The following RAB31 variants were observed in gnomAD, a reference collection of about 807,000 sequenced individuals.
The protein encoded by RAB31 is ras-related protein Rab-31.
Under a neutral mutation model 25.6 loss-of-function variants are expected in RAB31, and 21 were observed. That is an observed-to-expected ratio of 0.82 (90% CI 0.58 to 1.18). RAB31 has a LOEUF of 1.18. Among genes scored for constraint, RAB31 ranks in the 50% most tolerant of loss-of-function variants. RAB31 has a pLI of 0.00. For synonymous variants in RAB31, 87 were observed against 84.0 expected (o/e 1.04, Z -0.20); for missense variants, 196 against 250.1 (o/e 0.78, Z 1.46).
chr18:9,841,581 A>T (rs1420264157), intron 5 of RAB31, among the ~76,000 whole-genome samples: 1 of 150,642 alleles, frequency 6.6e-6, no homozygotes, highest in East Asian at 2.0e-4. Flanking sequence ...TTTATTCATG[A>T]TTCTAGAACT....
In RAB31 at chr18:9,775,520, A is replaced by G. The variant is rs879059134; in HGVS notation, c.119+163A>G. Among the ~76,000 whole-genome samples, 3 of 150,922 alleles carry G rather than the reference A, an allele frequency of 2.0e-5. No homozygotes were observed. The South Asian group carries it at 6.3e-4, about 32-fold the overall frequency. On this transcript the variant is annotated intron_variant, in intron 2 of 6. Coordinates refer to ENST00000578921, the MANE Select transcript of RAB31 (RefSeq NM_006868.4). Reference sequence around the variant, plus strand: ...GACAGAAATTCAGGGACTTCTGAGTATGTGTCCAGGCTTACTGTCCCTGTC... The same window carrying G: ...GACAGAAATTCAGGGACTTCTGAGTGTGTGTCCAGGCTTACTGTCCCTGTC...
At chr18:9,788,274 C>G (rs1305627062) in intron 2 of RAB31, among the ~76,000 whole-genome samples, 5 of 152,092 alleles carry the variant, frequency 3.3e-5, no homozygotes, top group Non-Finnish European at 5.9e-5. Flanking sequence ...TACAGATGGC[C>G]AACAAGTTTG....
At chr18:9,736,913 T>C (rs958740025) in intron 1 of RAB31, among the ~76,000 whole-genome samples, 19 of 152,248 alleles carry the variant, frequency 1.2e-4, no homozygotes, top group Admixed American at 1.3e-4. Context: ...TCAGATGTTA[T>C]TGGGTGGTAG....
At position 9,766,493 on chromosome 18, in the gene RAB31, C is replaced by A. The variant is rs1469587190; in HGVS notation, c.40-8785C>A. Reference sequence around the variant, plus strand: ...CAGGTGCCTGATGGGACCTTTACTTCTTTTGGTCACCTTTGGAGTCAGAAC... The same window carrying A: ...CAGGTGCCTGATGGGACCTTTACTTATTTTGGTCACCTTTGGAGTCAGAAC... On this transcript the variant is annotated intron_variant, in intron 1 of 6. Coordinates refer to ENST00000578921, the MANE Select transcript of RAB31 (RefSeq NM_006868.4). This position sits in a 1 kb window ranked among gnomAD's most constrained non-coding sequence, Gnocchi z 4.3. Among the ~76,000 whole-genome samples the A allele has an allele frequency of 1.2e-4, 18 of 152,338 alleles. No individual in the cohort carries two copies. The highest frequency in any genetic ancestry group is 1.3e-4 in the Non-Finnish European group (9 of 68,012).
intron 3 of RAB31, among the ~76,000 whole-genome samples, chr18:9,809,785 A>G (rs2068561500): frequency 6.6e-6 from 1 of 152,220 alleles, no homozygotes; most frequent in South Asian, 2.1e-4. Context: ...CTTTGTAACC[A>G]TCTCTGATTA....
intron 6 of RAB31, among the ~76,000 whole-genome samples, chr18:9,858,856 A>G (rs1033293100): frequency 6.6e-6 from 1 of 152,216 alleles, no homozygotes; most frequent in Non-Finnish European, 1.5e-5. Flanking sequence ...AAAGCCGCTC[A>G]TTAAACCAGG....
chr18:9,857,089 A>T (rs1456328347), intron 6 of RAB31, among the ~76,000 whole-genome samples: 1 of 152,298 alleles, frequency 6.6e-6, no homozygotes, highest in African/African-American at 2.4e-5. Context: ...GTCCTGCAAA[A>T]GCTCTGTAGA....
chr18:9,737,988 G>A (rs961258329), intron 1 of RAB31, among the ~76,000 whole-genome samples: 5 of 152,138 alleles, frequency 3.3e-5, no homozygotes, highest in Non-Finnish European at 7.3e-5. Flanking sequence ...GCAGCCAGCC[G>A]GCCGGCATTT....
intron 1 of RAB31, among the ~76,000 whole-genome samples, chr18:9,720,557 G>A (rs999805042): frequency 6.6e-6 from 1 of 152,000 alleles, no homozygotes; most frequent in African/African-American, 2.4e-5. Flanking sequence ...GAGCCGGTGG[G>A]AGTGGCTTCA....
chr18:9,738,059 A>G (rs1003149447), intron 1 of RAB31, among the ~76,000 whole-genome samples: 2 of 152,200 alleles, frequency 1.3e-5, no homozygotes, highest in Admixed American at 1.3e-4. Context: ...TGGATGCAGC[A>G]GCTGAAGGCC....
At chr18:9,855,402 A>G (rs1032913959) in intron 6 of RAB31, among the ~76,000 whole-genome samples, 1 of 152,210 alleles carries the variant, frequency 6.6e-6, no homozygotes, top group Non-Finnish European at 1.5e-5. Flanking sequence ...GTGGAAACCT[A>G]CAGACTAGGC....
intron 2 of RAB31, among the ~76,000 whole-genome samples, chr18:9,776,082 G>T (rs138050698): frequency 6.6e-6 from 1 of 152,228 alleles, no homozygotes; most frequent in African/African-American, 2.4e-5. Context: ...GGGTCACTGC[G>T]CCCAGCCCCT....
intron 3 of RAB31, among the ~76,000 whole-genome samples, chr18:9,809,912 G>A (rs1382501817): frequency 3.3e-5 from 5 of 152,264 alleles, no homozygotes; most frequent in Non-Finnish European, 5.9e-5. Flanking sequence ...TACCAGCTGC[G>A]GGCAGGGTTA....
intron 5 of RAB31, among the ~76,000 whole-genome samples, chr18:9,843,361 G>A (rs192638272): frequency 5.6e-4 from 85 of 152,144 alleles, no homozygotes; most frequent in Middle Eastern, 3.4e-3. Flanking sequence ...ACTGGGCAAC[G>A]TGGCGAAACC....
At chr18:9,831,760 T>C (rs1424893423) in intron 5 of RAB31, among the ~76,000 whole-genome samples, 5 of 152,222 alleles carry the variant, frequency 3.3e-5, no homozygotes. Context: ...TGTCACTTTC[T>C]ACTTGCACAG....
intron 6 of RAB31, among the ~76,000 whole-genome samples, chr18:9,856,699 AC>A (rs1384816911): frequency 2.6e-5 from 4 of 152,208 alleles, no homozygotes; most frequent in African/African-American, 9.6e-5. Context: ...CAACAGCTGT[AC>A]CCATGAGAAT....
At chr18:9,798,599 C>A (rs545392113) in intron 3 of RAB31, among the ~76,000 whole-genome samples, 47 of 148,028 alleles carry the variant, frequency 3.2e-4, no homozygotes, top group African/African-American at 1.1e-3. Context: ...AGACAGATTT[C>A]TTTTTTTCTT....
intron 1 of RAB31, among the ~76,000 whole-genome samples, chr18:9,722,390 C>A (rs993468036): frequency 6.6e-6 from 1 of 152,082 alleles, no homozygotes; most frequent in African/African-American, 2.4e-5. Flanking sequence ...AGCTGACAAA[C>A]GTTGCTGATG....
At chr18:9,746,227 T>C (rs7242638) in intron 1 of RAB31, among the ~76,000 whole-genome samples, 119,510 of 152,134 alleles carry the variant, frequency 0.79, 47,379 homozygotes, top group African/African-American at 0.86. Flanking sequence ...ACATATACAA[T>C]GAAAACTAAA....
Sources: gnomAD v4.1 joint callset for allele counts (sites outside exome capture counted in the v4.1 genomes callset) on GRCh38, gnomAD v4.1.1 for gene constraint, Gnocchi (gnomAD v3.1) non-coding constraint, MANE v1.5 for transcripts, NCBI Gene and HGNC (gene_info 2026-07-23, HGNC 2026-07-21) for gene names.